KANK4: variants seen among roughly 807,000 people sequenced by gnomAD.
KANK4 encodes KN motif and ankyrin repeat domain-containing protein 4.
KANK4 carries 50 observed loss-of-function variants against 80.8 expected under a neutral mutation model. That is an observed-to-expected ratio of 0.62 (90% confidence interval 0.49 to 0.78). The LOEUF is 0.78. Among genes scored for constraint, KANK4 ranks in the 30% least tolerant of loss-of-function variants. The probability of loss-of-function intolerance (pLI) is 0.00; values close to 1 mark genes in which losing one functional copy is unlikely to be tolerated. For synonymous variants in KANK4, 465 were observed against 506.9 expected (o/e 0.92, Z 1.11); for missense variants, 1,196 against 1,240.1 (o/e 0.96, Z 0.53).
At position 62,237,527 on chromosome 1, in the gene KANK4, ATTTC is replaced by A. The variant is rs1414414013; in HGVS notation, c.*746_*749del. 1 of 152,088 alleles carries A rather than the reference ATTTC, an allele frequency of 6.6e-6. No individual in the cohort carries two copies. Among genetic ancestry groups the A allele is most frequent in the Non-Finnish European group, 1.5e-5 (1 of 68,014 alleles). 9.4% of individuals were successfully genotyped at this position (152,088 alleles called of 1,614,324 possible). A position where few individuals can be genotyped will look rare whatever the true frequency, so the allele number is the denominator to read the frequency against. On this transcript the variant is annotated 3_prime_UTR_variant, in exon 10 of 10. Transcript: ENST00000371153. ...CATGTGGTGTGTGTCATTGGATTGA[ATTTC>A]TTTTTTTTCTTTATTACATAGCAAC...
intron 7 of KANK4, among the ~76,000 whole-genome samples, chr1:62,254,458 T>TGG (rs1223807100): frequency 8.5e-6 from 1 of 117,978 alleles, no homozygotes; most frequent in East Asian, 7.1e-4. Context: ...GCCAGTCTGG[T>TGG]CTCGAACTCC....
At chr1:62,240,135 T>C (rs1225247171) in intron 9 of KANK4, among the ~76,000 whole-genome samples, 1 of 152,198 alleles carries the variant, frequency 6.6e-6, no homozygotes, top group Admixed American at 6.5e-5. Context: ...CCACCAACAG[T>C]GTAAAAGTGT....
At chr1:62,261,319 C>T (rs1367762370) in intron 7 of KANK4, among the ~76,000 whole-genome samples, 2 of 151,998 alleles carry the variant, frequency 1.3e-5, no homozygotes, top group African/African-American at 4.8e-5. Context: ...TCACTACCAC[C>T]CAGCTAATTT....
Position 62,253,165 on chromosome 1 carries a change from C to A in KANK4, c.2584G>T (p.Val862Leu). Reference protein sequence around the residue: ...DHQNKAGYTAVMITPLASAET... With the variant: ...DHQNKAGYTALMITPLASAET... ...GCGGAAGCCAAGGGAGTGATCATTACGGCAGTGTAGCCAGCTTTGTTCTGA... is the reference window on the plus strand; with the variant it reads ...GCGGAAGCCAAGGGAGTGATCATTAAGGCAGTGTAGCCAGCTTTGTTCTGA... The change falls in exon 8 of 10, where the codon GTA (valine) becomes TTA (leucine). Residue 862 changes from valine to leucine, a missense_variant. Physicochemically the swap from Val to Leu is conservative, Grantham distance 32. Around this residue, in one of 3 missense-constraint regions of KANK4, gnomAD observed 1,154 missense variants for 1,179.6 expected, o/e 0.98. Coordinates refer to ENST00000371153, the MANE Select transcript of KANK4 (RefSeq NM_181712.5). 6.2e-7 allele frequency: 1 copy of A among 1,613,166 alleles called. No homozygotes were observed. Among genetic ancestry groups the A allele is most frequent in the Non-Finnish European group, 8.5e-7 (1 of 1,179,786 alleles).
Position 62,262,516 on chromosome 1 carries a change from C to G in KANK4, c.2539+576G>C, listed in dbSNP as rs55767939. Among the ~76,000 whole-genome samples the G allele has an allele frequency of 2.2e-3, 339 of 152,246 alleles. 3 individuals carry two copies. Among genetic ancestry groups the G allele is most frequent in the African/African-American group, 7.9e-3 (327 of 41,530 alleles). On this transcript the variant is annotated intron_variant, in intron 7 of 9. Coordinates refer to ENST00000371153, the MANE Select transcript of KANK4 (RefSeq NM_181712.5). ...ACAGCACAATTCACAATTGCAAAGA[C>G]ATGGAATCAACCTAAATGCCTGTCA... is the stretch of plus-strand genomic sequence containing the variant.
At chr1:62,263,969 C>T (rs1671957580) in intron 6 of KANK4, among the ~76,000 whole-genome samples, 1 of 152,176 alleles carries the variant, frequency 6.6e-6, no homozygotes, top group African/African-American at 2.4e-5. Context: ...GAGCCAATGA[C>T]ATCAACTCTT....
rs372016611 is a variant in KANK4, at chr1:62,248,714, T to C, written c.2683-1042A>G. On this transcript the variant is annotated intron_variant, in intron 8 of 9. Transcript: ENST00000371153. ...CAGCTGCCACCATGCCCAGCTAATT[T>C]TTGTGTTTTTATTAGAGACAGGCTT... Among the ~76,000 whole-genome samples, 326 of 151,636 alleles carry C rather than the reference T, an allele frequency of 2.1e-3. 1 individual carries two copies. Among genetic ancestry groups the C allele is most frequent in the African/African-American group, 7.5e-3 (312 of 41,442 alleles).
In KANK4 at chr1:62,263,314, G is replaced by A; in HGVS notation, c.2320-3C>T. ...CTGATGGTGTTCAAGCTTTGCCTCT[G>A]AAACCCCAAAAAAGACCAATTCCAA... On this transcript the variant is annotated splice_polypyrimidine_tract_variant and splice_region_variant and intron_variant, in intron 6 of 9. Coordinates refer to ENST00000371153, the MANE Select transcript of KANK4 (RefSeq NM_181712.5). 1 of 1,611,516 alleles carries A rather than the reference G, an allele frequency of 6.2e-7. No individual in the cohort carries two copies. Among genetic ancestry groups the A allele is most frequent in the South Asian group, 1.1e-5 (1 of 90,610 alleles).
intron 1 of KANK4, among the ~76,000 whole-genome samples, chr1:62,300,874 T>G (rs938130572): frequency 2.6e-4 from 40 of 152,096 alleles, no homozygotes; most frequent in Non-Finnish European, 2.9e-5. Flanking sequence ...TGGCAAGCAG[T>G]CTGGCCAGAC....
intron 8 of KANK4, among the ~76,000 whole-genome samples, chr1:62,250,219 C>T (rs1671580560): frequency 2.0e-5 from 3 of 152,094 alleles, no homozygotes; most frequent in East Asian, 1.9e-4. Flanking sequence ...AACTCCCGAC[C>T]TCAAGTGATC....
rs535774484 is a variant in KANK4, at chr1:62,307,829, ATTC to A, written c.-71+11274_-71+11276del. The stretch of plus-strand genomic sequence containing the variant: ...AATCTGATTTTTAAATGTTGACAGA[ATTC>A]TTCTTTTTTAAAAAATGCTATGAAG... On this transcript the variant is annotated intron_variant, in intron 1 of 9. Transcript: ENST00000371153. 1.4e-3 allele frequency among the ~76,000 whole-genome samples: 219 copies of A among 152,122 alleles called. 1 individual carries two copies. The Middle Eastern group carries it at 0.02, about 14-fold the overall frequency.
At chr1:62,318,179 T>A (rs922785214) in intron 1 of KANK4, among the ~76,000 whole-genome samples, 1 of 152,128 alleles carries the variant, frequency 6.6e-6, no homozygotes, top group Non-Finnish European at 1.5e-5. Flanking sequence ...TCTGGCCCTA[T>A]TTGGTAGATA....
chr1:62,257,363 C>T (rs1671775824), intron 7 of KANK4, among the ~76,000 whole-genome samples: 1 of 152,184 alleles, frequency 6.6e-6, no homozygotes, highest in South Asian at 2.1e-4. Context: ...GCTAGGATTA[C>T]AGGTGTGAGC....
chr1:62,293,089 TGTGTGTGTGTGTGTGTGA>T (rs1354725324), intron 1 of KANK4, among the ~76,000 whole-genome samples: 1 of 103,776 alleles, frequency 9.6e-6, no homozygotes, highest in Admixed American at 1.1e-4. Flanking sequence ...TGTGTGTGTG[TGTGTGTGTGTGTGTGTGA>T]GACAGAGTGT....
At chr1:62,254,880 A>AT (rs3066333) in intron 7 of KANK4, among the ~76,000 whole-genome samples, 2,920 of 65,714 alleles carry the variant, frequency 0.044, 129 homozygotes, top group Middle Eastern at 0.086. Flanking sequence ...TAAACCTGGT[A>AT]TTTTTTTTTT....
rs377661973 is a variant in KANK4, at chr1:62,274,862, C to T, written c.242G>A (p.Arg81His). 48 of 1,613,902 alleles carry T rather than the reference C, an allele frequency of 3.0e-5. No homozygotes were observed. The highest frequency in any genetic ancestry group is 4.5e-5 in the East Asian group (2 of 44,886). The change falls in exon 3 of 10, where the codon CGC becomes CAC. Residue 81 changes from arginine (R) to histidine (H), a missense_variant. This residue lies in a region of KANK4 where 1,154 missense variants were observed against 1,179.6 expected (regional missense o/e 0.98). Coordinates refer to ENST00000371153, the MANE Select transcript of KANK4 (RefSeq NM_181712.5). Reference sequence around the variant, plus strand: ...TTGGAGGGGCGGGGCTGCAGGGGGGCGAGCCCCACTGTCAGGAAGGCTGAA... The same window carrying T: ...TTGGAGGGGCGGGGCTGCAGGGGGGTGAGCCCCACTGTCAGGAAGGCTGAA... ...RNFSLPDSGARPPAAPPLQNW... is the reference protein window; with the variant it reads ...RNFSLPDSGAHPPAAPPLQNW...
In KANK4 at chr1:62,275,150, T is replaced by C. The variant is rs1309826456; in HGVS notation, c.17-63A>G. The stretch of plus-strand genomic sequence containing the variant: ...AATTTAATTAAGCATTACAGGGCGA[T>C]GAGGCCTAATATCTCTGATTTTAAC... On this transcript the variant is annotated intron_variant, in intron 2 of 9. Transcript: ENST00000371153. The C allele has an allele frequency of 2.4e-6, 3 of 1,241,414 alleles. No homozygotes were observed. In the East Asian group the frequency reaches 7.0e-5, roughly 29 times the overall value. 76.9% of individuals were successfully genotyped at this position (1,241,414 alleles called of 1,614,324 possible).
At chr1:62,296,755 G>T (rs1349702064) in intron 1 of KANK4, among the ~76,000 whole-genome samples, 1 of 151,870 alleles carries the variant, frequency 6.6e-6, no homozygotes, top group Non-Finnish European at 1.5e-5. Context: ...GTCCAGGCTG[G>T]TCTTGAACTA....
chr1:62,306,598 A>G (rs1464623423), intron 1 of KANK4, among the ~76,000 whole-genome samples: 3 of 152,080 alleles, frequency 2.0e-5, no homozygotes, highest in Non-Finnish European at 2.9e-5. Flanking sequence ...CATTTTTTAA[A>G]CAGATTCTCT....
Sources: gnomAD v4.1 joint callset for allele counts (sites outside exome capture counted in the v4.1 genomes callset) on GRCh38, gnomAD v4.1.1 for gene constraint, gnomAD v4.1.1 regional missense constraint, MANE v1.5 for transcripts, NCBI Gene and HGNC (gene_info 2026-07-23, HGNC 2026-07-21) for gene names.